The following SPAG17 variants were observed in gnomAD, a reference collection of about 807,000 sequenced individuals.
The protein encoded by SPAG17 is sperm associated antigen 17.
Under a neutral mutation model 273.6 loss-of-function variants are expected in SPAG17, and 169 were observed. The observed-to-expected ratio is 0.62, with a 90% confidence interval of 0.55 to 0.70. The LOEUF (loss-of-function observed/expected upper bound fraction) is 0.70. Ranked by LOEUF, SPAG17 falls within the 30% of genes least tolerant of loss-of-function variation. The pLI is 0.00. For synonymous variants in SPAG17, 825 were observed against 873.2 expected, an observed-to-expected ratio of 0.94 and a Z score of 0.97; for missense variants, 2,557 against 2,627.8, an observed-to-expected ratio of 0.97 and a Z score of 0.59.
At chr1:118,116,861 T>C (rs1657111037) in intron 3 of SPAG17, among the ~76,000 whole-genome samples, 1 of 152,216 alleles carries the variant, frequency 6.6e-6, no homozygotes. Context: ...TTGCTTTTTA[T>C]GGCAGTTCTG....
chr1:118,184,800 G>A (rs532080673), intron 1 of SPAG17, among the ~76,000 whole-genome samples: 59 of 152,304 alleles, frequency 3.9e-4, no homozygotes, highest in Non-Finnish European at 5.3e-4. Flanking sequence ...TCACTGAAAA[G>A]GTTCTGGAGG....
At chr1:118,119,686 C>A (rs1251433781) in intron 3 of SPAG17, among the ~76,000 whole-genome samples, 1 of 152,182 alleles carries the variant, frequency 6.6e-6, no homozygotes, top group Non-Finnish European at 1.5e-5. Context: ...TCAATTTAGG[C>A]TAGCACAAGG....
intron 27 of SPAG17, 49 bp from the exon 28 acceptor site, chr1:118,023,512 T>G: frequency 6.4e-7 from 1 of 1,570,438 alleles, no homozygotes; most frequent in Non-Finnish European, 8.7e-7. Context: ...AAGAGAGAGG[T>G]TGTTTAACAA....
At chr1:118,088,670 T>C (rs1003435424) in intron 10 of SPAG17, among the ~76,000 whole-genome samples, 3 of 151,412 alleles carry the variant, frequency 2.0e-5, no homozygotes, top group African/African-American at 4.8e-5. Context: ...AAAACAAGAA[T>C]AGGCAATTGT....
chr1:118,134,946 G>A (rs114124527), intron 3 of SPAG17, among the ~76,000 whole-genome samples: 10 of 152,150 alleles, frequency 6.6e-5, no homozygotes, highest in Admixed American at 2.0e-4. Context: ...AGCATTGCTC[G>A]GTGCACTCAT....
At chr1:118,070,523 C>T (rs540073690) in intron 17 of SPAG17, among the ~76,000 whole-genome samples, 3 of 152,022 alleles carry the variant, frequency 2.0e-5, no homozygotes, top group Admixed American at 6.6e-5. Context: ...GTGGACCCAA[C>T]GCACACTGAC....
At chr1:117,959,470 T>G in intron 48 of SPAG17, 1 of 1,557,360 alleles carries the variant, frequency 6.4e-7, no homozygotes, top group Non-Finnish European at 8.7e-7. Flanking sequence ...GTATCTTTTT[T>G]TTTTTCAACT....
At chr1:118,053,978 T>C in intron 20 of SPAG17, 24 bp downstream of exon 20, 1 of 1,570,286 alleles carries the variant, frequency 6.4e-7, no homozygotes, top group Non-Finnish European at 8.7e-7. Context: ...GCCTGTTTTT[T>C]AAACTTTATG....
At position 118,170,916 on chromosome 1, in the gene SPAG17, T is replaced by C. The variant is rs546473096; in HGVS notation, c.87+14155A>G. 2.6e-5 allele frequency among the ~76,000 whole-genome samples: 4 copies of C among 152,304 alleles called. No homozygotes were observed. The South Asian group carries it at 8.3e-4, about 32-fold the overall frequency. Reference sequence around the variant, plus strand: ...GAAAGAGCAGAAGCAGGCAGGCTAATTAGACTTTGCTCAAAGGGATTACAG... The same window carrying C: ...GAAAGAGCAGAAGCAGGCAGGCTAACTAGACTTTGCTCAAAGGGATTACAG... On this transcript the variant is annotated intron_variant, in intron 1 of 48. Transcript: ENST00000336338.
At chr1:118,075,368 T>A (rs151105220) in intron 15 of SPAG17, among the ~76,000 whole-genome samples, 1 of 152,296 alleles carries the variant, frequency 6.6e-6, no homozygotes, top group South Asian at 2.1e-4. Flanking sequence ...CAAACAGCCA[T>A]GTGAATGAAC....
At chr1:118,176,398 A>G (rs1242795594) in intron 1 of SPAG17, among the ~76,000 whole-genome samples, 1 of 152,230 alleles carries the variant, frequency 6.6e-6, no homozygotes, top group Non-Finnish European at 1.5e-5. Flanking sequence ...AACCAAAAAC[A>G]GAGCACGAAT....
chr1:117,972,106 A>C, intron 44 of SPAG17, 59 bp from the exon 45 acceptor site: 1 of 1,452,408 alleles, frequency 6.9e-7, no homozygotes. Context: ...AGATTAAAAA[A>C]AAAAAAGTCC....
At chr1:118,086,846 A>C (rs956202656) in intron 11 of SPAG17, 25 bp downstream of exon 11, 1 of 1,614,100 alleles carries the variant, frequency 6.2e-7, no homozygotes. Context: ...AAGCATGAAG[A>C]CTCTGCTATC....
intron 48 of SPAG17, chr1:117,957,247 G>T (rs1308287838): frequency 6.4e-7 from 1 of 1,571,118 alleles, no homozygotes; most frequent in Non-Finnish European, 8.6e-7. Context: ...AACTGCTTCA[G>T]TAGTACCTTA....
intron 4 of SPAG17, among the ~76,000 whole-genome samples, chr1:118,109,556 AAAT>A (rs10589035): frequency 0.8 from 112,215 of 141,112 alleles, 46,701 homozygotes; most frequent in Non-Finnish European, 0.92. Context: ...CTCTGTCTCA[AAAT>A]AATAATAATA....
chr1:117,981,316 A>G lies in SPAG17; in HGVS notation c.5958T>C (p.Asp1986=). ...TTTCAGTTTGGTTCTGAGCAGTGAA[A>G]TCCTTCTTATCTGCAGAAATCTCTG... ...PKPEISADKK[D]FTAQNQTENL... The change falls in exon 43 of 49, where the codon GAT becomes GAC. Residue 1986 remains aspartate (D), a synonymous_variant. Transcript: ENST00000336338. 1 of 1,599,688 alleles carries G rather than the reference A, an allele frequency of 6.3e-7. No individual in the cohort carries two copies. Among genetic ancestry groups the G allele is most frequent in the Non-Finnish European group, 8.5e-7 (1 of 1,176,796 alleles).
At chr1:118,174,985 T>C (rs939543132) in intron 1 of SPAG17, among the ~76,000 whole-genome samples, 1 of 151,610 alleles carries the variant, frequency 6.6e-6, no homozygotes, top group Admixed American at 6.6e-5. Flanking sequence ...GCAGCAGATA[T>C]GTGAATAGAT....
intron 3 of SPAG17, among the ~76,000 whole-genome samples, chr1:118,147,918 AG>A (rs1299680501): frequency 6.6e-6 from 1 of 152,322 alleles, no homozygotes; most frequent in East Asian, 1.9e-4. Context: ...ACCACAGGCT[AG>A]GAAACCAGAA....
chr1:118,031,499 C>T (rs565722988), intron 25 of SPAG17, among the ~76,000 whole-genome samples, 193 bp downstream of exon 25: 9 of 152,064 alleles, frequency 5.9e-5, no homozygotes, highest in African/African-American at 1.2e-4. Context: ...CAATATGTCT[C>T]CTGGAGTGGT....
Sources: gnomAD v4.1 joint callset for allele counts (sites outside exome capture counted in the v4.1 genomes callset) on GRCh38, gnomAD v4.1.1 for gene constraint, MANE v1.5 for transcripts, NCBI Gene and HGNC (gene_info 2026-07-23, HGNC 2026-07-21) for gene names.